RRM2: variants seen among roughly 807,000 people sequenced by gnomAD.
RRM2 encodes the protein ribonucleoside-diphosphate reductase subunit M2.
In RRM2, 6 loss-of-function variants were observed where a neutral mutation model predicts 45.9. That is an observed-to-expected ratio of 0.13 (90% CI 0.07 to 0.26). RRM2 has a LOEUF of 0.26. Among genes scored for constraint, RRM2 ranks in the 10% least tolerant of loss-of-function variants. The pLI, the probability that RRM2 is intolerant of heterozygous loss-of-function variation, is 1.00. For synonymous variants in RRM2, 177 were observed against 173.0 expected, an observed-to-expected ratio of 1.02 and a Z score of -0.18; for missense variants, 343 against 489.5, an observed-to-expected ratio of 0.70 and a Z score of 2.82.
chr2:10,180,777 T>A (rs896572093), intron 3 of RRM2, among the ~76,000 whole-genome samples: 3 of 149,402 alleles, frequency 2.0e-5, no homozygotes, highest in African/African-American at 5.0e-5. Context: ...TTATTTATTT[T>A]TTTGAGATGA....
intron 3 of RRM2, among the ~76,000 whole-genome samples, chr2:10,161,429 T>A (rs1190478001): frequency 6.6e-6 from 1 of 152,178 alleles, no homozygotes; most frequent in Non-Finnish European, 1.5e-5. Context: ...GATGTGTGTG[T>A]CATGACCTCC....
At chr2:10,133,267 G>GT (rs200007114), downstream of RRM2, among the ~76,000 whole-genome samples, 686 of 152,326 alleles carry the variant, frequency 4.5e-3, 5 homozygotes, top group African/African-American at 0.016. Context: ...CTGTGTAAGA[G>GT]TTACACTTCA....
intron 3 of RRM2, among the ~76,000 whole-genome samples, chr2:10,183,988 G>A (rs1249027477): frequency 6.7e-6 from 1 of 148,712 alleles, no homozygotes; most frequent in African/African-American, 2.5e-5. Flanking sequence ...AGCTACTGGG[G>A]AGGCTGAGGC....
At position 10,195,547 on chromosome 2, in the gene RRM2, G is replaced by A. The variant is rs1664398972; in HGVS notation, n.483-14764G>A. Among the ~76,000 whole-genome samples the A allele has an allele frequency of 6.6e-6, 1 of 152,198 alleles. No homozygotes were observed. Among genetic ancestry groups the A allele is most frequent in the Admixed American group, 6.5e-5 (1 of 15,274 alleles). On this transcript the variant is annotated intron_variant and non_coding_transcript_variant, in intron 3 of 3. Coordinates refer to the RRM2 transcript ENST00000381786. This position sits in a 1 kb window ranked among gnomAD's most constrained non-coding sequence, Gnocchi z 4.9. ...TGAGGTTGCTTCAGCTGGATGAGAGGGTGTGGGAGAGAGGAGCATCCCAGG... is the reference window on the plus strand; with the variant it reads ...TGAGGTTGCTTCAGCTGGATGAGAGAGTGTGGGAGAGAGGAGCATCCCAGG...
At chr2:10,190,262 GA>G (rs1664263543) in intron 3 of RRM2, among the ~76,000 whole-genome samples, 7 of 151,546 alleles carry the variant, frequency 4.6e-5, no homozygotes, top group Non-Finnish European at 1.5e-5. Flanking sequence ...TGGTGGTGGT[GA>G]TGGTGGTGGT....
chr2:10,150,972 C>A (rs906786494), intron 3 of RRM2, among the ~76,000 whole-genome samples: 1 of 151,878 alleles, frequency 6.6e-6, no homozygotes, highest in Non-Finnish European at 1.5e-5. Context: ...TGCTACCACG[C>A]CCGACTAATT....
rs904734025 is a variant in RRM2 at position 10,169,225 on chromosome 2, G to A, written n.482+26850G>A. 1.3e-5 allele frequency among the ~76,000 whole-genome samples: 2 copies of A among 149,156 alleles called. No homozygotes were observed. Among genetic ancestry groups the A allele is most frequent in the African/African-American group, 5.0e-5 (2 of 40,368 alleles). ...TTGAACTCCCGGGCTCAATCCTCCT[G>A]CCTCAGCCTCCCACAGTGCTGGGAT... On this transcript the variant is annotated intron_variant and non_coding_transcript_variant, in intron 3 of 3. Coordinates refer to the RRM2 transcript ENST00000381786. The surrounding 1 kb of genome is among the most constrained non-coding windows in gnomAD (Gnocchi z 5.1).
At chr2:10,202,567 G>T (rs535338795) in intron 3 of RRM2, among the ~76,000 whole-genome samples, 5 of 152,204 alleles carry the variant, frequency 3.3e-5, no homozygotes, top group African/African-American at 1.2e-4. Flanking sequence ...AATGTTTCTG[G>T]TTGGAGGAGA....
At chr2:10,138,817 A>G (rs976444899), upstream of RRM2, among the ~76,000 whole-genome samples, 2 of 151,518 alleles carry the variant, frequency 1.3e-5, no homozygotes, top group South Asian at 4.2e-4. Context: ...TCTAAAGGGT[A>G]TGGCTCTTGG....
chr2:10,128,916 AAG>A lies in RRM2; in HGVS notation c.871_872del (p.Glu291AsnfsTer15). On this transcript the variant is annotated frameshift_variant, in exon 8 of 10. Coordinates refer to ENST00000304567, the MANE Select transcript of RRM2 (RefSeq NM_001034.4). LOFTEE classifies it high-confidence loss of function. ...LVHKPSEERV[R>X]EIIINAVRIE... ...TACACAAACCATCGGAGGAGAGAGT[AAG>A]AGAAATAATTATCAATGCTGTTCGG... 6.2e-7 allele frequency: 1 copy of A among 1,614,146 alleles called. No individual in the cohort carries two copies. The highest frequency in any genetic ancestry group is 8.5e-7 in the Non-Finnish European group (1 of 1,179,972).
intron 3 of RRM2, among the ~76,000 whole-genome samples, chr2:10,144,023 A>C (rs1663140471): frequency 6.6e-6 from 1 of 152,170 alleles, no homozygotes; most frequent in Admixed American, 6.5e-5. Context: ...CTGTCTCTGG[A>C]GTGGCTGTGG....
intron 3 of RRM2, among the ~76,000 whole-genome samples, chr2:10,167,481 G>C (rs1031597074): frequency 1.3e-5 from 2 of 152,192 alleles, no homozygotes; most frequent in Non-Finnish European, 2.9e-5. Context: ...GTAGGATGTG[G>C]TAGCTGGTGA....
rs73913995 is a variant in RRM2, at chr2:10,173,181, C to T, written n.482+30806C>T. 7.0e-3 allele frequency among the ~76,000 whole-genome samples: 1,062 copies of T among 152,288 alleles called. 16 individuals are homozygous for T. Among genetic ancestry groups the T allele is most frequent in the African/African-American group, 0.024 (998 of 41,560 alleles). ...AATAGCCCCTACCTCCTAGGATCAT[C>T]ATGAGAATGAGGTGTGCGAAGCTTG... On this transcript the variant is annotated intron_variant and non_coding_transcript_variant, in intron 3 of 3. Coordinates refer to the RRM2 transcript ENST00000381786.
chr2:10,136,789 G>A (rs772784732), upstream of RRM2, among the ~76,000 whole-genome samples: 3 of 152,008 alleles, frequency 2.0e-5, no homozygotes, highest in Non-Finnish European at 2.9e-5. Context: ...AAATACCCTG[G>A]CCATAGCCCC....
rs1328989613 is a variant in RRM2, at chr2:10,129,334, G to C, written c.1118G>C (p.Gly373Ala). 1.9e-6 allele frequency: 3 copies of C among 1,613,998 alleles called. No individual in the cohort carries two copies. The South Asian group carries it at 3.3e-5, about 18-fold the overall frequency. Residue 373 changes from glycine (G) to alanine (A), a missense_variant, in exon 10 of 10, where the codon GGA (glycine) becomes GCA (alanine). Gly to Ala is a moderately conservative substitution (Grantham distance 60). Transcript: ENST00000304567. The surrounding 1 kb of genome is among the most constrained non-coding windows in gnomAD (Gnocchi z 4.8). The part of the protein sequence containing the change: ...EKRVGEYQRM[G>A]VMSSPTENSF... ...AGAGTAGGCGAGTATCAGAGGATGG[G>C]AGTGATGTCAAGTCCAACAGAGAAT...
intron 3 of RRM2, among the ~76,000 whole-genome samples, chr2:10,150,779 T>TTTG (rs1411563387): frequency 2.7e-5 from 4 of 145,856 alleles, no homozygotes; most frequent in East Asian, 1.9e-4. Context: ...GTGTTTTTTT[T>TTTG]TTTTTTTTTT....
chr2:10,195,086 T>C lies in RRM2; in HGVS notation n.483-15225T>C, dbSNP rs1235766692. Among the ~76,000 whole-genome samples the C allele has an allele frequency of 1.4e-5, 2 of 145,244 alleles. No homozygotes were observed. The highest frequency in any genetic ancestry group is 3.0e-5 in the Non-Finnish European group (2 of 67,578). ...GGGTTTAATCTAAAATTCATTCTGA[T>C]CCCTTGGCCTTGGAAAAGGCACTTA... On this transcript the variant is annotated intron_variant and non_coding_transcript_variant, in intron 3 of 3. Coordinates refer to the RRM2 transcript ENST00000381786. The surrounding 1 kb of genome is among the most constrained non-coding windows in gnomAD (Gnocchi z 4.9).
downstream of RRM2, among the ~76,000 whole-genome samples, chr2:10,136,350 G>T (rs939213247): frequency 4.6e-5 from 7 of 152,260 alleles, no homozygotes; most frequent in African/African-American, 1.7e-4. Context: ...GCCTTCCTGG[G>T]TGTGGGTGGG....
chr2:10,175,248 G>A (rs1663892460), intron 3 of RRM2, among the ~76,000 whole-genome samples: 1 of 152,200 alleles, frequency 6.6e-6, no homozygotes, highest in South Asian at 2.1e-4. Context: ...ACTCTCTTCA[G>A]TAACCCCTCA....
Sources: allele counts gnomAD v4.1 joint callset (sites outside exome capture counted in the v4.1 genomes callset), GRCh38; gene constraint gnomAD v4.1.1; non-coding constraint Gnocchi (gnomAD v3.1); transcripts MANE v1.5; gene names NCBI Gene and HGNC (gene_info 2026-07-23, HGNC 2026-07-21).